Variants in CBX3 observed in about 807,000 individuals in gnomAD.
CBX3 encodes the protein chromobox protein homolog 3.
In CBX3, 5 loss-of-function variants were observed where a neutral mutation model predicts 22.6. The ratio of observed to expected loss-of-function variants is 0.22; its 90% CI spans 0.12 to 0.47. CBX3 has a LOEUF of 0.47. Among genes scored for constraint, CBX3 ranks in the 20% least tolerant of loss-of-function variants. The pLI is 0.99. For synonymous variants in CBX3, 50 were observed against 66.6 expected (o/e 0.75, Z 1.21); for missense variants, 83 against 208.1 (o/e 0.40, Z 3.70).
intron 2 of CBX3, chr7:26,206,009 A>C: frequency 5.6e-6 from 1 of 179,954 alleles, no homozygotes; most frequent in Non-Finnish European, 1.2e-5. Context: ...GAACTGCTTG[A>C]ACCTGGGGAG....
At chr7:26,202,103 C>G (rs912461667) in intron 1 of CBX3, 5 of 151,970 alleles carry the variant, frequency 3.3e-5, no homozygotes, top group Admixed American at 3.3e-4. Context: ...ATTTCCCCCT[C>G]CCCTCCCCCA....
At chr7:26,208,590 T>C (rs1431942160) in intron 4 of CBX3, 35 bp downstream of exon 4, 1 of 1,539,746 alleles carries the variant, frequency 6.5e-7, no homozygotes, top group East Asian at 2.3e-5. Flanking sequence ...GCTTGTCCTT[T>C]TGTAAAAGGT....
rs1441205675 is a variant in CBX3 at position 26,212,666 on chromosome 7, C to G, written c.*458C>G. 6.6e-6 allele frequency: 1 copy of G among 151,806 alleles called. No homozygotes were observed. Among genetic ancestry groups the G allele is most frequent in the African/African-American group, 2.4e-5 (1 of 41,294 alleles). 9.4% of individuals were successfully genotyped at this position (151,806 alleles called of 1,614,324 possible). A position where few individuals can be genotyped will look rare whatever the true frequency, so the allele number is the denominator to read the frequency against. On this transcript the variant is annotated 3_prime_UTR_variant, in exon 6 of 6. Coordinates refer to ENST00000396386, the MANE Select transcript of CBX3 (RefSeq NM_016587.4). ...TTTTGTTTTTAAGCATTCACCCAAA[C>G]AAAAAAATCACAGGTAAACCCATGT...
chr7:26,209,761 A>G (rs1387867898), intron 4 of CBX3, among the ~76,000 whole-genome samples: 1 of 152,078 alleles, frequency 6.6e-6, no homozygotes, highest in Non-Finnish European at 1.5e-5. Context: ...TGTAAAACAG[A>G]TTATACTTGT....
At chr7:26,211,564 C>G (rs1230776153) in intron 4 of CBX3, 98 bp from the exon 5 acceptor site, 8 of 680,180 alleles carry the variant, frequency 1.2e-5, no homozygotes, top group African/African-American at 3.7e-5. Flanking sequence ...TTGCTCTAGT[C>G]ATTTCCATCT....
At chr7:26,201,488 G>A (rs1319593850), upstream of CBX3, 1 of 152,094 alleles carries the variant, frequency 6.6e-6, no homozygotes, top group Non-Finnish European at 1.5e-5. Flanking sequence ...CCGCTGAGGA[G>A]ACTCCGGTCA....
intron 2 of CBX3, among the ~76,000 whole-genome samples, chr7:26,204,490 C>G (rs1263403491): frequency 1.3e-5 from 2 of 152,168 alleles, no homozygotes; most frequent in African/African-American, 2.4e-5. Context: ...TAACACCTGA[C>G]TTAGAAATGG....
chr7:26,204,132 G>T (rs1784618837), intron 2 of CBX3, among the ~76,000 whole-genome samples: 1 of 152,010 alleles, frequency 6.6e-6, no homozygotes, highest in Non-Finnish European at 1.5e-5. Flanking sequence ...AAAGTGCTGG[G>T]TTAAGGCAAA....
chr7:26,213,018 A>G lies in CBX3; in HGVS notation c.*810A>G, dbSNP rs1196495357. The G allele has an allele frequency of 6.6e-6, 1 of 152,304 alleles. No individual in the cohort carries two copies. Among genetic ancestry groups the G allele is most frequent in the Non-Finnish European group, 1.5e-5 (1 of 68,054 alleles). The allele number at this position is 152,304 out of a possible 1,614,324, so 9.4% of individuals were successfully genotyped here. On this transcript the variant is annotated 3_prime_UTR_variant, in exon 6 of 6. Transcript: ENST00000396386. ...GGCCATTCCTTAGCAAAATGTTGGA[A>G]TCCCTGTTGCTACATTGACTAAAAG...
chr7:26,205,627 G>C (rs1584036397), intron 2 of CBX3, among the ~76,000 whole-genome samples: 1 of 152,098 alleles, frequency 6.6e-6, no homozygotes, highest in Admixed American at 6.6e-5. Flanking sequence ...GAATTGAGAA[G>C]GGGGCTGGGG....
intron 2 of CBX3, among the ~76,000 whole-genome samples, chr7:26,205,683 T>A (rs1784659832): frequency 6.6e-6 from 1 of 152,258 alleles, no homozygotes; most frequent in African/African-American, 2.4e-5. Context: ...TAGGTTCACC[T>A]AAGACCTGTC....
At chr7:26,202,672 CA>C in intron 1 of CBX3, 1 of 344,410 alleles carries the variant, frequency 2.9e-6, no homozygotes, top group Non-Finnish European at 5.3e-6. Context: ...AAAAATGGAA[CA>C]TGGACTTTAT....
intron 2 of CBX3, among the ~76,000 whole-genome samples, chr7:26,203,957 G>A (rs997339158): frequency 1.3e-5 from 2 of 152,124 alleles, no homozygotes; most frequent in African/African-American, 4.8e-5. Flanking sequence ...GATAGCCTTT[G>A]GGGTCTGTTA....
intron 1 of CBX3, chr7:26,202,135 C>T (rs1444595699): frequency 6.6e-6 from 1 of 152,098 alleles, no homozygotes; most frequent in African/African-American, 2.4e-5. Flanking sequence ...GCGGAGGCGC[C>T]CCCTCCCCCA....
chr7:26,206,156 T>G, intron 2 of CBX3: 1 of 463,288 alleles, frequency 2.2e-6, no homozygotes. Context: ...ATTATTTTGG[T>G]GGTGGGTTGT....
In CBX3 at chr7:26,212,347, A is replaced by T; in HGVS notation, c.*139A>T. 1.9e-6 allele frequency: 1 copy of T among 514,616 alleles called. No individual in the cohort carries two copies. Among genetic ancestry groups the T allele is most frequent in the Non-Finnish European group, 2.8e-6 (1 of 360,834 alleles). The allele number at this position is 514,616 out of a possible 1,614,324, so 31.9% of individuals were successfully genotyped here. A position where few individuals can be genotyped will look rare whatever the true frequency, so the allele number is the denominator to read the frequency against. On this transcript the variant is annotated 3_prime_UTR_variant, in exon 6 of 6. Transcript: ENST00000396386. The stretch of plus-strand genomic sequence containing the variant: ...ATGTTTGTTTTGAAAGTAGCGTTGG[A>T]AGAGTTGTTGGGGGTTTTTTGCATC...
At chr7:26,209,505 A>C (rs1784758225) in intron 4 of CBX3, among the ~76,000 whole-genome samples, 1 of 152,252 alleles carries the variant, frequency 6.6e-6, no homozygotes, top group South Asian at 2.1e-4. Context: ...CAACGCAAAT[A>C]GAACTTTCTG....
rs558137263 is a variant in CBX3, at chr7:26,207,622, G to A, written c.168-771G>A. Among the ~76,000 whole-genome samples the A allele has an allele frequency of 1.2e-4, 19 of 152,114 alleles. No homozygotes were observed. In the East Asian group the frequency reaches 1.8e-3, roughly 14 times the overall value. On this transcript the variant is annotated intron_variant, in intron 3 of 5. Coordinates refer to ENST00000396386, the MANE Select transcript of CBX3 (RefSeq NM_016587.4). ...CAACCTCTGCCTTCCGAGTTGAGGCGATTTTCCTGCCTCAGCCTCCTGAGT... is the reference window on the plus strand; with the variant it reads ...CAACCTCTGCCTTCCGAGTTGAGGCAATTTTCCTGCCTCAGCCTCCTGAGT...
chr7:26,205,873 G>A (rs1448239804), intron 2 of CBX3, among the ~76,000 whole-genome samples: 2 of 152,168 alleles, frequency 1.3e-5, no homozygotes. Context: ...ATCACTTCAG[G>A]TCAGGAGTTT....
Sources: allele counts gnomAD v4.1 joint callset (sites outside exome capture counted in the v4.1 genomes callset), GRCh38; gene constraint gnomAD v4.1.1; transcripts MANE v1.5; gene names NCBI Gene and HGNC (gene_info 2026-07-23, HGNC 2026-07-21).